ZNF257: variants seen among roughly 807,000 people sequenced by gnomAD.
ZNF257 encodes the protein bone marrow zinc finger 4.
Under a neutral mutation model 11.9 loss-of-function variants are expected in ZNF257, and 12 were observed. The ratio of observed to expected loss-of-function variants is 1.01; its 90% CI spans 0.65 to 1.63. The LOEUF is 1.63. ZNF257 is among the 40% of genes most tolerant of loss of function. The pLI is 0.00. For synonymous variants in ZNF257, 183 were observed against 222.7 expected (o/e 0.82, Z 1.59); for missense variants, 580 against 665.5 (o/e 0.87, Z 1.41).
At position 22,073,548 on chromosome 19, in the gene ZNF257, G is replaced by A; in HGVS notation, c.210G>A (p.Met70Ile). The A allele has an allele frequency of 1.9e-6, 3 of 1,610,966 alleles. No individual in the cohort carries two copies. Among genetic ancestry groups the A allele is most frequent in the Non-Finnish European group, 2.5e-6 (3 of 1,178,758 alleles). ...CCTGTAATATGAAGAGACATGAGAT[G>A]GTAGCCAAACCCCCAGGTAGGTGAG... is the stretch of plus-strand genomic sequence containing the variant. The part of the protein sequence containing the change: ...KEPCNMKRHE[M>I]VAKPPVMCSH... Residue 70 changes from methionine (M) to isoleucine (I), a missense_variant, in exon 3 of 4, where the codon ATG (methionine) becomes ATA (isoleucine). By Grantham distance (10) the Met-to-Ile change is conservative. Transcript: ENST00000594947.
At chr19:22,052,689 T>G (rs387343) in intron 1 of ZNF257, 54 bp downstream of exon 1, 890,919 of 1,595,086 alleles carry the variant, frequency 0.56, 252,301 homozygotes, top group Admixed American at 0.63. Flanking sequence ...GGTTGGAACC[T>G]GTGGGAAGTC....
intron 1 of ZNF257, among the ~76,000 whole-genome samples, chr19:22,061,049 A>G (rs2021782339): frequency 6.6e-6 from 1 of 151,062 alleles, no homozygotes; most frequent in South Asian, 2.1e-4. Flanking sequence ...AAAGTTTGGT[A>G]ATATAAGGCC....
In ZNF257 at chr19:22,089,053, G is replaced by A; in HGVS notation, c.1303G>A (p.Glu435Lys). The change falls in exon 4 of 4, where the codon GAG (glutamate) becomes AAG (lysine). Residue 435 changes from glutamate (E) to lysine (K), a missense_variant. By Grantham distance (56) the Glu-to-Lys change is moderately conservative (BLOSUM62 1). Coordinates refer to ENST00000594947, the MANE Select transcript of ZNF257 (RefSeq NM_033468.4). Reference sequence around the variant, plus strand: ...TGGAGAGAAACCCTACAAATGTGAAGAGTGTGGCAAAGCCTTTAACCGGTC... The same window carrying A: ...TGGAGAGAAACCCTACAAATGTGAAAAGTGTGGCAAAGCCTTTAACCGGTC... ...HTGEKPYKCE[E>K]CGKAFNRSSY... 4.3e-6 allele frequency: 7 copies of A among 1,613,608 alleles called. No individual in the cohort carries two copies. Among genetic ancestry groups the A allele is most frequent in the African/African-American group, 1.3e-5 (1 of 74,934 alleles).
In ZNF257 at chr19:22,068,565, C is replaced by T. The variant is rs995818846; in HGVS notation, c.4-4244C>T. Among the ~76,000 whole-genome samples, 6 of 152,062 alleles carry T rather than the reference C, an allele frequency of 3.9e-5. No individual in the cohort carries two copies. In the South Asian group the frequency reaches 1.2e-3, roughly 32 times the overall value. On this transcript the variant is annotated intron_variant, in intron 1 of 3. Transcript: ENST00000594947. ...TGTCAACATAGACATCTTAAAGCCCCCCTTTGATAGTGTGGCTCTTTGAGC... is the reference window on the plus strand; with the variant it reads ...TGTCAACATAGACATCTTAAAGCCCTCCTTTGATAGTGTGGCTCTTTGAGC...
At chr19:22,060,711 C>G (rs949009819) in intron 1 of ZNF257, 1 of 152,260 alleles carries the variant, frequency 6.6e-6, no homozygotes, top group East Asian at 1.9e-4. Flanking sequence ...GTCTCGAACT[C>G]CTGACCTCAG....
At position 22,073,466 on chromosome 19, in the gene ZNF257, C is replaced by A. The variant is rs1426872243; in HGVS notation, c.131-3C>A. 3.1e-6 allele frequency: 5 copies of A among 1,601,660 alleles called. No homozygotes were observed. The highest frequency in any genetic ancestry group is 1.1e-5 in the South Asian group (1 of 88,542). On this transcript the variant is annotated splice_region_variant and splice_polypyrimidine_tract_variant and intron_variant, in intron 2 of 3. Transcript: ENST00000594947. ...ATGCGTGTTACTTATTTTTAAAAAA[C>A]AGGTATTGCTGTCTCTAAGCCAGAC...
chr19:22,076,890 G>A (rs768316443), intron 3 of ZNF257, among the ~76,000 whole-genome samples: 14 of 152,066 alleles, frequency 9.2e-5, no homozygotes, highest in African/African-American at 1.7e-4. Flanking sequence ...GGGTTTCACC[G>A]TGTTAGCCAG....
At chr19:22,060,059 G>A (rs1383275491) in intron 1 of ZNF257, among the ~76,000 whole-genome samples, 1 of 152,262 alleles carries the variant, frequency 6.6e-6, no homozygotes, top group East Asian at 1.9e-4. Context: ...AGTCTACCAT[G>A]GATAGGCATT....
At chr19:22,082,599 G>T (rs1014278200) in intron 3 of ZNF257, among the ~76,000 whole-genome samples, 2 of 151,968 alleles carry the variant, frequency 1.3e-5, no homozygotes, top group Non-Finnish European at 2.9e-5. Flanking sequence ...TATTGGTCAG[G>T]TATGATTTTA....
At chr19:22,072,521 A>C (rs1453051334) in intron 1 of ZNF257, among the ~76,000 whole-genome samples, 1 of 152,134 alleles carries the variant, frequency 6.6e-6, no homozygotes, top group Non-Finnish European at 1.5e-5. Flanking sequence ...TCAGAAACAG[A>C]CTTTCTATAA....
At chr19:22,084,639 G>A (rs894187308) in intron 3 of ZNF257, among the ~76,000 whole-genome samples, 6 of 150,602 alleles carry the variant, frequency 4.0e-5, no homozygotes, top group African/African-American at 9.8e-5. Context: ...TGAGTGTATC[G>A]TTTAATTTCT....
At chr19:22,057,307 A>G (rs1317630536) in intron 1 of ZNF257, among the ~76,000 whole-genome samples, 2 of 152,182 alleles carry the variant, frequency 1.3e-5, no homozygotes, top group African/African-American at 4.8e-5. Context: ...TGTCATAGAA[A>G]TTAAAACTTG....
At position 22,089,185 on chromosome 19, in the gene ZNF257, A is replaced by G. The variant is rs2145722973; in HGVS notation, c.1435A>G (p.Ile479Val). 1.2e-6 allele frequency: 2 copies of G among 1,613,840 alleles called. No individual in the cohort carries two copies. The highest frequency in any genetic ancestry group is 1.7e-5 in the Admixed American group (1 of 59,990). Residue 479 changes from isoleucine to valine, a missense_variant, in exon 4 of 4, where the codon ATA becomes GTA. Ile to Val is a conservative substitution (Grantham distance 29). Coordinates refer to ENST00000594947, the MANE Select transcript of ZNF257 (RefSeq NM_033468.4). ...NQSSHLTQHK[I>V]IHTGEKPYKC... ...GTCTTCACACCTTACTCAACATAAA[A>G]TAATTCATACTGGGGAGAAGCCCTA...
chr19:22,056,244 G>C (rs1374481339), intron 1 of ZNF257, among the ~76,000 whole-genome samples: 1 of 152,028 alleles, frequency 6.6e-6, no homozygotes, highest in Non-Finnish European at 1.5e-5. Flanking sequence ...CTGAACTCAG[G>C]AGTTTGAGAC....
intron 3 of ZNF257, among the ~76,000 whole-genome samples, chr19:22,076,720 G>A (rs997579481): frequency 8.6e-5 from 13 of 151,858 alleles, no homozygotes; most frequent in African/African-American, 1.9e-4. Flanking sequence ...ACGGAGTCTC[G>A]CTCTGTCACC....
intron 1 of ZNF257, among the ~76,000 whole-genome samples, chr19:22,058,754 C>T (rs1033082096): frequency 1.1e-4 from 17 of 152,150 alleles, no homozygotes; most frequent in African/African-American, 2.9e-4. Context: ...GAAAGAAGCT[C>T]GGATAGCAGA....
At chr19:22,053,521 T>A (rs1050477262) in intron 1 of ZNF257, among the ~76,000 whole-genome samples, 1 of 152,230 alleles carries the variant, frequency 6.6e-6, no homozygotes, top group African/African-American at 2.4e-5. Flanking sequence ...CATAGTTTGT[T>A]AATTTGTACT....
intron 3 of ZNF257, among the ~76,000 whole-genome samples, chr19:22,080,480 C>T (rs1258755625): frequency 5.9e-5 from 9 of 152,096 alleles, no homozygotes; most frequent in Admixed American, 5.9e-4. Context: ...GTCCAGTTAC[C>T]AGTTACTCTT....
At chr19:22,054,273 T>G (rs573353726) in intron 1 of ZNF257, among the ~76,000 whole-genome samples, 2 of 152,080 alleles carry the variant, frequency 1.3e-5, no homozygotes, top group African/African-American at 4.8e-5. Flanking sequence ...AGGTTTCATG[T>G]GGGCTAGGCT....
Sources: allele counts gnomAD v4.1 joint callset (sites outside exome capture counted in the v4.1 genomes callset), GRCh38; gene constraint gnomAD v4.1.1; transcripts MANE v1.5; gene names NCBI Gene and HGNC (gene_info 2026-07-23, HGNC 2026-07-21).